The following COG8 variants were observed in gnomAD, a reference collection of about 807,000 sequenced individuals.
The protein encoded by COG8 is component of oligomeric golgi complex 8.
Under a neutral mutation model 46.5 loss-of-function variants are expected in COG8, and 45 were observed. The observed-to-expected ratio is 0.97, with a 90% CI of 0.76 to 1.24. The LOEUF is 1.24. Ranked by LOEUF, COG8 falls within the 50% of genes most tolerant of loss-of-function variation. The pLI is 0.00. For synonymous variants in COG8, 407 were observed against 347.8 expected (o/e 1.17, Z -1.90); for missense variants, 793 against 820.8 (o/e 0.97, Z 0.41).
rs372459047 is a variant in COG8, at chr16:69,334,669, G to A, written c.1265C>T (p.Thr422Met). 3.1e-5 allele frequency: 50 copies of A among 1,614,108 alleles called. No individual in the cohort carries two copies. The East Asian group carries it at 5.3e-4, about 17-fold the overall frequency. ...TAGGAGCACCATGGGTGGCTGCAGC[G>A]TCCCCGGCTGGGTGGCTGGCACAGC... ...PAAVPATQPG[T>M]LQPPMVLLDF... The change falls in exon 3 of 6, where the codon ACG becomes ATG. Residue 422 changes from threonine (T) to methionine (M), a missense_variant. By Grantham distance (81) the Thr-to-Met change is moderately conservative. Transcript: ENST00000306875.
At chr16:69,339,050 T>C (rs2012374477) in intron 1 of COG8, 126 bp downstream of exon 1, 1 of 1,332,242 alleles carries the variant, frequency 7.5e-7, no homozygotes, top group African/African-American at 1.5e-5. Flanking sequence ...GAGGTTTAAA[T>C]GGATTAATAA....
intron 3 of COG8, among the ~76,000 whole-genome samples, chr16:69,333,927 G>T (rs190041782): frequency 6.6e-6 from 1 of 152,322 alleles, no homozygotes; most frequent in East Asian, 1.9e-4. Context: ...TTAATCAAAT[G>T]AAGTTTTTAA....
chr16:69,334,044 G>C (rs2012047157), intron 3 of COG8, among the ~76,000 whole-genome samples: 1 of 152,152 alleles, frequency 6.6e-6, no homozygotes, highest in Non-Finnish European at 1.5e-5. Flanking sequence ...GCCTCTAGGA[G>C]CTGAGGCTTC....
rs1418896889 is a variant in COG8, at chr16:69,329,147, G to A, written c.*59C>T. ...ATGCGGGCTGCCCACCCGCTCGCCT[G>A]CCACACCACCTGTTCTCCATTGGGG... On this transcript the variant is annotated 3_prime_UTR_variant, in exon 6 of 6. Transcript: ENST00000306875. 2 of 1,608,314 alleles carry A rather than the reference G, an allele frequency of 1.2e-6. No homozygotes were observed. The highest frequency in any genetic ancestry group is 1.7e-5 in the Admixed American group (1 of 59,354).
chr16:69,329,992 C>T, intron 5 of COG8: 1 of 1,522,528 alleles, frequency 6.6e-7, no homozygotes, highest in South Asian at 1.2e-5. Context: ...CCCCGCCGCC[C>T]GCACCTGAGA....
chr16:69,329,213 A>G (rs759829471), intron 5 of COG8, 34 bp from the exon 6 acceptor site: 2 of 1,543,692 alleles, frequency 1.3e-6, no homozygotes, highest in East Asian at 2.4e-5. Context: ...GTGAGTGGGA[A>G]CAGCTGAACT....
At chr16:69,334,183 G>A (rs1035793993) in intron 3 of COG8, among the ~76,000 whole-genome samples, 1 of 152,330 alleles carries the variant, frequency 6.6e-6, no homozygotes, top group Non-Finnish European at 1.5e-5. Flanking sequence ...GAGCAGAGAG[G>A]ACCCGGTTGT....
intron 2 of COG8, among the ~76,000 whole-genome samples, chr16:69,336,145 G>C (rs1347309087): frequency 6.6e-6 from 1 of 152,064 alleles, no homozygotes; most frequent in Non-Finnish European, 1.5e-5. Flanking sequence ...AGTCCTTCTT[G>C]ATCACCCTAC....
chr16:69,329,295 G>T, intron 5 of COG8, 116 bp from the exon 6 acceptor site: 1 of 1,093,530 alleles, frequency 9.1e-7, no homozygotes, highest in Non-Finnish European at 1.2e-6. Flanking sequence ...AACAGCAGAT[G>T]GCAAATGTAG....
At chr16:69,329,713 G>A (rs1221695944) in intron 5 of COG8, among the ~76,000 whole-genome samples, 1 of 152,214 alleles carries the variant, frequency 6.6e-6, no homozygotes, top group Non-Finnish European at 1.5e-5. Context: ...ATCTAACTGG[G>A]GCCGAAGAGC....
rs550213086 is a variant in COG8, at chr16:69,330,515, C to G, written c.*26+298G>C. 2.1e-4 allele frequency: 310 copies of G among 1,472,872 alleles called. No individual in the cohort carries two copies. The African/African-American group carries it at 3.6e-3, about 17-fold the overall frequency. The allele number at this position is 1,472,872 out of a possible 1,614,324, so 91.2% of individuals were successfully genotyped here. A position where few individuals can be genotyped will look rare whatever the true frequency, so the allele number is the denominator to read the frequency against. The stretch of plus-strand genomic sequence containing the variant: ...GACACCGACGGCTGCCGCCCCGCCC[C>G]ACGGCACGGCCGCCCACAGTGGCCA... On this transcript the variant is annotated intron_variant, in intron 5 of 5. Coordinates refer to ENST00000306875, the MANE Select transcript of COG8 (RefSeq NM_032382.5).
rs1965632463 is a variant in COG8 at position 69,327,442 on chromosome 16, A to G, written c.*1764T>C. 6.6e-6 allele frequency: 1 copy of G among 152,096 alleles called. No individual in the cohort carries two copies. The highest frequency in any genetic ancestry group is 2.1e-4 in the South Asian group (1 of 4,826). The allele number at this position is 152,096 out of a possible 1,614,324, so 9.4% of individuals were successfully genotyped here. A position where few individuals can be genotyped will look rare whatever the true frequency, so the allele number is the denominator to read the frequency against. The stretch of plus-strand genomic sequence containing the variant: ...CTTGACCTCCCAAAGTGCTGGGATT[A>G]CAGGCATGAGCCACCAAGCCTGGCC... On this transcript the variant is annotated 3_prime_UTR_variant, in exon 6 of 6. Transcript: ENST00000306875.
rs1965615056 is a variant in COG8 at position 69,327,124 on chromosome 16, A to G, written c.*2082T>C. On this transcript the variant is annotated 3_prime_UTR_variant, in exon 6 of 6. Coordinates refer to ENST00000306875, the MANE Select transcript of COG8 (RefSeq NM_032382.5). ...TTCTACAAATCTCCCCATTGGCTGC[A>G]TCTCTGACCTTGCACCAGTATCTGG... The G allele has an allele frequency of 6.8e-6, 1 of 146,152 alleles. No individual in the cohort carries two copies. The highest frequency in any genetic ancestry group is 2.6e-5 in the African/African-American group (1 of 38,976). 9.1% of individuals were successfully genotyped at this position (146,152 alleles called of 1,614,324 possible). A position where few individuals can be genotyped will look rare whatever the true frequency, so the allele number is the denominator to read the frequency against.
chr16:69,331,835 C>T (rs1239183403), intron 4 of COG8, among the ~76,000 whole-genome samples: 1 of 152,122 alleles, frequency 6.6e-6, no homozygotes, highest in South Asian at 2.1e-4. Flanking sequence ...CAAAAACCAC[C>T]TTTGTTACAG....
chr16:69,338,988 G>A (rs572096457), intron 1 of COG8, 188 bp downstream of exon 1: 4 of 814,280 alleles, frequency 4.9e-6, no homozygotes, highest in Non-Finnish European at 3.8e-6. Context: ...GCGAGACTCC[G>A]TCTCAAAAAA....
In COG8 at chr16:69,330,838, G is replaced by A; in HGVS notation, c.*1C>T. ...CGCGTTCTGGAGGCAGGGGACGCCGGCTAGGGCCCCACGCTGGGCGGTTCG... is the reference window on the plus strand; with the variant it reads ...CGCGTTCTGGAGGCAGGGGACGCCGACTAGGGCCCCACGCTGGGCGGTTCG... On this transcript the variant is annotated 3_prime_UTR_variant, in exon 5 of 6. Transcript: ENST00000306875. The A allele has an allele frequency of 6.5e-7, 1 of 1,536,420 alleles. No individual in the cohort carries two copies. The highest frequency in any genetic ancestry group is 8.7e-7 in the Non-Finnish European group (1 of 1,144,692).
chr16:69,337,734 CTTTTT>C (rs879881954), intron 1 of COG8, among the ~76,000 whole-genome samples: 1 of 142,664 alleles, frequency 7.0e-6, no homozygotes, highest in African/African-American at 2.6e-5. Flanking sequence ...TCACAAAGGA[CTTTTT>C]TTTTTTTTTT....
Position 69,330,185 on chromosome 16 carries a change from T to C in COG8, c.*26+628A>G, listed in dbSNP as rs1183959821. The C allele has an allele frequency of 4.0e-6, 6 of 1,487,528 alleles. No individual in the cohort carries two copies. Among genetic ancestry groups the C allele is most frequent in the Non-Finnish European group, 5.3e-6 (6 of 1,125,604 alleles). 92.1% of individuals were successfully genotyped at this position (1,487,528 alleles called of 1,614,324 possible). On this transcript the variant is annotated intron_variant, in intron 5 of 5. Coordinates refer to ENST00000306875, the MANE Select transcript of COG8 (RefSeq NM_032382.5). ...GGGCGGGCACTCCCGACACAGCGCC[T>C]CGGGGAGCTCCAGCGCCAGCACCTG...
At chr16:69,330,406 C>T (rs1057470076) in intron 5 of COG8, 1 of 1,478,924 alleles carries the variant, frequency 6.8e-7, no homozygotes, top group Middle Eastern at 2.3e-4. Context: ...GACCCAGCAC[C>T]AGACGCCTCA....
Sources: allele counts gnomAD v4.1 joint callset (sites outside exome capture counted in the v4.1 genomes callset), GRCh38; gene constraint gnomAD v4.1.1; transcripts MANE v1.5; gene names NCBI Gene and HGNC (gene_info 2026-07-23, HGNC 2026-07-21).